Variants in COL4A4 observed in about 807,000 individuals in gnomAD.
COL4A4 encodes collagen type IV alpha 4 chain, also known as collagen alpha-4(IV) chain.
In COL4A4, 105 loss-of-function variants were observed where a neutral mutation model predicts 192.9. The ratio of observed to expected loss-of-function variants is 0.54; its 90% CI spans 0.46 to 0.64. COL4A4 has a LOEUF of 0.64. Ranked by LOEUF, COL4A4 falls within the 30% of genes least tolerant of loss-of-function variation. The pLI, the probability that COL4A4 is intolerant of heterozygous loss-of-function variation, is 0.00. For synonymous variants in COL4A4, 762 were observed against 769.9 expected, an observed-to-expected ratio of 0.99 and a Z score of 0.17; for missense variants, 1,967 against 2,169.3, an observed-to-expected ratio of 0.91 and a Z score of 1.85.
chr2:227,059,982 C>T (rs1036114147), intron 27 of COL4A4, among the ~76,000 whole-genome samples, 154 bp downstream of exon 27: 10 of 151,432 alleles, frequency 6.6e-5, no homozygotes, highest in African/African-American at 2.2e-4. Context: ...CACAATATAG[C>T]TAAGGGTCTA....
intron 4 of COL4A4, among the ~76,000 whole-genome samples, chr2:227,128,042 A>G (rs559467639): frequency 6.6e-6 from 1 of 152,336 alleles, no homozygotes; most frequent in Non-Finnish European, 1.5e-5. Context: ...GCCATGCTCC[A>G]TACCTTACCT....
chr2:227,092,656 A>G (rs980668962), intron 20 of COL4A4, among the ~76,000 whole-genome samples: 2 of 152,210 alleles, frequency 1.3e-5, no homozygotes, highest in African/African-American at 4.8e-5. Flanking sequence ...AGGAAACAAG[A>G]CAATTGACAA....
rs535416131 is a variant in COL4A4, at chr2:227,147,010, T to C, written c.71+403A>G. On this transcript the variant is annotated intron_variant, in intron 2 of 47. Transcript: ENST00000396625. ...CCATCTTGCCATGTGACATAACATA[T>C]TCACAGATTCCAGAGATTAAGACGT... Among the ~76,000 whole-genome samples the C allele has an allele frequency of 3.9e-5, 6 of 152,312 alleles. No homozygotes were observed. The East Asian group carries it at 1.2e-3, about 29-fold the overall frequency.
At chr2:227,117,797 AG>A (rs1309589626) in intron 7 of COL4A4, among the ~76,000 whole-genome samples, 1 of 131,786 alleles carries the variant, frequency 7.6e-6, no homozygotes, top group African/African-American at 2.6e-5. Context: ...AAAATTCTGA[AG>A]AAAAAAAAAG....
the COL4A4 span, among the ~76,000 whole-genome samples, chr2:226,994,033 C>G: frequency 6.6e-6 from 1 of 152,162 alleles, no homozygotes; most frequent in Non-Finnish European, 1.5e-5. Context: ...CATTTGGGTT[C>G]TGCAAATGGG....
chr2:227,051,221 G>A, intron 32 of COL4A4, 63 bp from the exon 33 acceptor site: 2 of 1,533,724 alleles, frequency 1.3e-6, no homozygotes, highest in Non-Finnish European at 1.8e-6. Flanking sequence ...TAGTTAAGCT[G>A]AGGGACCTGG....
chr2:227,095,223 T>C (rs1208602573), intron 19 of COL4A4, among the ~76,000 whole-genome samples: 1 of 152,192 alleles, frequency 6.6e-6, no homozygotes, highest in Non-Finnish European at 1.5e-5. Context: ...AATAAACATA[T>C]TAGCATACTT....
At chr2:227,002,355 A>C (rs541730110), downstream of COL4A4, among the ~76,000 whole-genome samples, 3 of 152,296 alleles carry the variant, frequency 2.0e-5, no homozygotes, top group African/African-American at 7.2e-5. Flanking sequence ...TAACTTTCAC[A>C]CCTTGAATCC....
chr2:227,048,957 T>C (rs986489487), intron 34 of COL4A4, among the ~76,000 whole-genome samples: 1 of 152,232 alleles, frequency 6.6e-6, no homozygotes, highest in African/African-American at 2.4e-5. Context: ...AGTATATTAT[T>C]TATAGAGTGT....
At position 227,097,161 on chromosome 2, in the gene COL4A4, C is replaced by T. The variant is rs547456528; in HGVS notation, c.1204+1533G>A. Reference sequence around the variant, plus strand: ...TGCTGCCTGCTGCCTTGTCCCATTGCCAAGAAGAATGCTTAACCACCTGCC... The same window carrying T: ...TGCTGCCTGCTGCCTTGTCCCATTGTCAAGAAGAATGCTTAACCACCTGCC... On this transcript the variant is annotated intron_variant, in intron 19 of 47. Transcript: ENST00000396625. 7.2e-4 allele frequency among the ~76,000 whole-genome samples: 93 copies of T among 128,626 alleles called. 1 individual carries two copies. The highest frequency in any genetic ancestry group is 1.8e-3 in the African/African-American group (72 of 39,534). The allele number at this position is 128,626 out of a possible 152,430, so 84.4% of individuals were successfully genotyped here. A position where few individuals can be genotyped will look rare whatever the true frequency, so the allele number is the denominator to read the frequency against.
intron 20 of COL4A4, among the ~76,000 whole-genome samples, chr2:227,091,466 TAGATAGAGTAC>T (rs959097430): frequency 3.5e-4 from 50 of 144,752 alleles, no homozygotes; most frequent in Middle Eastern, 3.6e-3. Flanking sequence ...TTCTGACAGA[TAGATAGAGTAC>T]AGAAAGAGAA....
intron 3 of COL4A4, among the ~76,000 whole-genome samples, chr2:227,142,097 CAAAA>C (rs531488311): frequency 0.028 from 3,284 of 118,936 alleles, 35 homozygotes; most frequent in Middle Eastern, 0.046. Context: ...TTAGTAGATT[CAAAA>C]AAAAAAAAAA....
At position 227,089,588 on chromosome 2, in the gene COL4A4, C is replaced by CATATATATATATATATATATATATAT. The variant is rs527917534; in HGVS notation, c.1459+279_1459+280insATATATATATATATATATATATATAT. 7.6e-4 allele frequency among the ~76,000 whole-genome samples: 78 copies of CATATATATATATATATATATATATAT among 102,158 alleles called. 1 individual carries two copies. The highest frequency in any genetic ancestry group is 1.3e-3 in the African/African-American group (37 of 28,384). 67.0% of individuals were successfully genotyped at this position (102,158 alleles called of 152,430 possible). ...CAAAATTCATGGCAGGCAAATGTTC[C>CATATATATATATATATATATATATAT]ATATATATATATATATATATACATA... On this transcript the variant is annotated intron_variant, in intron 21 of 47. Coordinates refer to ENST00000396625, the MANE Select transcript of COL4A4 (RefSeq NM_000092.5).
chr2:226,977,945 G>A, the COL4A4 span, among the ~76,000 whole-genome samples: 1 of 152,176 alleles, frequency 6.6e-6, no homozygotes, highest in African/African-American at 2.4e-5. Context: ...ATCAAAAAGA[G>A]GCTGTTTGGG....
intron 23 of COL4A4, among the ~76,000 whole-genome samples, chr2:227,081,739 A>G (rs2059336543): frequency 6.6e-6 from 1 of 152,242 alleles, no homozygotes; most frequent in Non-Finnish European, 1.5e-5. Flanking sequence ...GTTTAGGTCA[A>G]TAAATTACTT....
At chr2:227,147,039 C>T (rs1447215865) in intron 2 of COL4A4, among the ~76,000 whole-genome samples, 1 of 152,146 alleles carries the variant, frequency 6.6e-6, no homozygotes, top group Non-Finnish European at 1.5e-5. Flanking sequence ...AAGACGTGGA[C>T]ATCTGTGGAG....
the COL4A4 span, among the ~76,000 whole-genome samples, chr2:226,986,699 G>A: frequency 1.3e-5 from 2 of 152,256 alleles, no homozygotes; most frequent in Non-Finnish European, 2.9e-5. Context: ...TGGAGAGGAT[G>A]TGGAAAATGG....
chr2:227,109,640 G>A (rs886514266), intron 9 of COL4A4, among the ~76,000 whole-genome samples: 2 of 152,020 alleles, frequency 1.3e-5, no homozygotes, highest in Non-Finnish European at 2.9e-5. Flanking sequence ...CCAGCTACTC[G>A]GGAGGCTGAG....
intron 37 of COL4A4, among the ~76,000 whole-genome samples, chr2:227,035,574 C>A (rs995044487): frequency 6.6e-6 from 1 of 151,222 alleles, no homozygotes; most frequent in African/African-American, 2.4e-5. Context: ...TTCCCCAAAT[C>A]TCTTATTCCT....
Sources: gnomAD v4.1 joint callset for allele counts (sites outside exome capture counted in the v4.1 genomes callset) on GRCh38, gnomAD v4.1.1 for gene constraint, MANE v1.5 for transcripts, NCBI Gene and HGNC (gene_info 2026-07-23, HGNC 2026-07-21) for gene names.